LDAH: variants seen among roughly 807,000 people sequenced by gnomAD.
LDAH encodes the protein lipid droplet-associated hydrolase.
In LDAH, 26 loss-of-function variants were observed where a neutral mutation model predicts 29.6. The observed-to-expected ratio is 0.88, with a 90% CI of 0.64 to 1.22. LDAH has a LOEUF of 1.22. LDAH is among the 50% of genes most tolerant of loss of function. The pLI, the probability that LDAH is intolerant of heterozygous loss-of-function variation, is 0.00. For missense variants in LDAH, 344 were observed against 387.3 expected, an observed-to-expected ratio of 0.89 and a Z score of 0.94; for synonymous variants, 117 against 133.0, an observed-to-expected ratio of 0.88 and a Z score of 0.83.
intron 4 of LDAH, among the ~76,000 whole-genome samples, chr2:20,747,396 CA>C: frequency 6.6e-6 from 1 of 152,046 alleles, no homozygotes; most frequent in South Asian, 2.1e-4. Flanking sequence ...AGAAAACAAA[CA>C]AAAAAATAGC....
intron 1 of LDAH, among the ~76,000 whole-genome samples, chr2:20,810,423 TAGAC>T (rs1288901131): frequency 2.6e-5 from 4 of 152,210 alleles, no homozygotes; most frequent in Non-Finnish European, 5.9e-5. Flanking sequence ...ACTTCCATGT[TAGAC>T]AGAAGCCCAT....
intron 5 of LDAH, among the ~76,000 whole-genome samples, chr2:20,729,899 G>A (rs543904047): frequency 2.0e-5 from 3 of 152,246 alleles, no homozygotes; most frequent in Admixed American, 6.5e-5. Flanking sequence ...AGGCTCAAGC[G>A]ATCCTCCTGC....
chr2:20,778,688 A>T (rs937383210), intron 3 of LDAH, among the ~76,000 whole-genome samples: 1 of 152,156 alleles, frequency 6.6e-6, no homozygotes, highest in Non-Finnish European at 1.5e-5. Flanking sequence ...TTAAATGCCA[A>T]AGTTAAGTAT....
Position 20,686,918 on chromosome 2 carries a change from G to C in LDAH, c.963C>G (p.Asp321Glu). 1 of 1,613,436 alleles carries C rather than the reference G, an allele frequency of 6.2e-7. No homozygotes were observed. The highest frequency in any genetic ancestry group is 8.5e-7 in the Non-Finnish European group (1 of 1,179,606). ...ADMIADSLKD[D>E]LSKM is the part of the protein sequence containing the mutation. ...TCAGGCCAATTTACATTTTGGACAA[G>C]TCATCCTTTAGGGAGTCAGCAATCA... is the stretch of plus-strand genomic sequence containing the variant. The change falls in exon 7 of 7, where the codon GAC becomes GAG. Residue 321 changes from aspartate (D) to glutamate (E), a missense_variant. Coordinates refer to ENST00000237822, the MANE Select transcript of LDAH (RefSeq NM_021925.4).
intron 5 of LDAH, among the ~76,000 whole-genome samples, chr2:20,707,295 G>A (rs1439896904): frequency 1.3e-5 from 2 of 152,094 alleles, no homozygotes; most frequent in Admixed American, 1.3e-4. Flanking sequence ...TTCCCATGGG[G>A]ACCACAATGA....
At chr2:20,758,023 C>T (rs1342593755) in intron 4 of LDAH, among the ~76,000 whole-genome samples, 1 of 152,176 alleles carries the variant, frequency 6.6e-6, no homozygotes, top group Non-Finnish European at 1.5e-5. Context: ...AAACCTCTTT[C>T]CATGTGCATA....
At chr2:20,808,514 A>T (rs1434670634) in intron 1 of LDAH, among the ~76,000 whole-genome samples, 8 of 152,056 alleles carry the variant, frequency 5.3e-5, no homozygotes. Context: ...ATACAAAAAA[A>T]TTAGCCGGGC....
rs913880179 is a variant in LDAH at position 20,684,815 on chromosome 2, C to T, written c.*2088G>A. ...CATCCATGTGGTTGACTGGGACATA[C>T]AGGCAGAGCTGCTTCTGGAAAATGG... On this transcript the variant is annotated 3_prime_UTR_variant, in exon 7 of 7. Coordinates refer to ENST00000237822, the MANE Select transcript of LDAH (RefSeq NM_021925.4). The T allele has an allele frequency of 6.6e-7, 1 of 1,510,252 alleles. No individual in the cohort carries two copies. The highest frequency in any genetic ancestry group is 8.9e-7 in the Non-Finnish European group (1 of 1,122,026). The allele number at this position is 1,510,252 out of a possible 1,614,324, so 93.6% of individuals were successfully genotyped here.
At chr2:20,816,040 A>G (rs1348701442) in intron 1 of LDAH, among the ~76,000 whole-genome samples, 1 of 152,136 alleles carries the variant, frequency 6.6e-6, no homozygotes, top group Non-Finnish European at 1.5e-5. Flanking sequence ...CTAAACTTCA[A>G]TTGGCAAAAG....
At chr2:20,706,889 TG>T (rs1341504212) in intron 5 of LDAH, among the ~76,000 whole-genome samples, 3 of 152,232 alleles carry the variant, frequency 2.0e-5, no homozygotes, top group African/African-American at 7.2e-5. Context: ...AAGCAGAGCT[TG>T]GTAATCTCCC....
At chr2:20,770,986 C>T (rs1236294375) in intron 4 of LDAH, among the ~76,000 whole-genome samples, 2 of 152,170 alleles carry the variant, frequency 1.3e-5, no homozygotes, top group African/African-American at 4.8e-5. Context: ...TATTGTAAGT[C>T]ATGATAGCTA....
At chr2:20,753,872 A>G (rs965852543) in intron 4 of LDAH, among the ~76,000 whole-genome samples, 6 of 152,338 alleles carry the variant, frequency 3.9e-5, no homozygotes, top group Admixed American at 2.6e-4. Context: ...GTGGCCAAAT[A>G]TGGAATAATT....
chr2:20,749,017 T>A (rs920894365), intron 4 of LDAH, among the ~76,000 whole-genome samples: 1 of 152,186 alleles, frequency 6.6e-6, no homozygotes, highest in African/African-American at 2.4e-5. Context: ...ATTCCTTAGA[T>A]CTACTGGTTG....
rs1359340837 is a variant in LDAH, at chr2:20,684,814, A to G, written c.*2089T>C. On this transcript the variant is annotated 3_prime_UTR_variant, in exon 7 of 7. Transcript: ENST00000237822. Reference sequence around the variant, plus strand: ...CCATCCATGTGGTTGACTGGGACATACAGGCAGAGCTGCTTCTGGAAAATG... The same window carrying G: ...CCATCCATGTGGTTGACTGGGACATGCAGGCAGAGCTGCTTCTGGAAAATG... The G allele has an allele frequency of 2.0e-6, 3 of 1,510,260 alleles. No individual in the cohort carries two copies. The highest frequency in any genetic ancestry group is 2.7e-6 in the Non-Finnish European group (3 of 1,121,976). 93.6% of individuals were successfully genotyped at this position (1,510,260 alleles called of 1,614,324 possible). A position where few individuals can be genotyped will look rare whatever the true frequency, so the allele number is the denominator to read the frequency against.
chr2:20,707,936 C>T (rs948138439), intron 5 of LDAH, among the ~76,000 whole-genome samples: 1 of 152,126 alleles, frequency 6.6e-6, no homozygotes, highest in African/African-American at 2.4e-5. Flanking sequence ...GAGTGCAAAC[C>T]ATATTGTGAA....
intron 5 of LDAH, among the ~76,000 whole-genome samples, chr2:20,712,410 C>CA (rs1240441552): frequency 6.6e-6 from 1 of 152,154 alleles, no homozygotes; most frequent in African/African-American, 2.4e-5. Context: ...GAAAGGTAGA[C>CA]AAAATCACAA....
chr2:20,718,706 A>T (rs1558408347), intron 5 of LDAH, among the ~76,000 whole-genome samples: 1 of 152,152 alleles, frequency 6.6e-6, no homozygotes, highest in East Asian at 1.9e-4. Flanking sequence ...ACTACTGCAG[A>T]ACACACATTT....
At chr2:20,753,250 A>T (rs989484106) in intron 4 of LDAH, among the ~76,000 whole-genome samples, 3 of 152,258 alleles carry the variant, frequency 2.0e-5, no homozygotes, top group Non-Finnish European at 4.4e-5. Flanking sequence ...TTAACAAAAG[A>T]AACATTTTCA....
At chr2:20,790,806 A>G (rs1670894067) in intron 2 of LDAH, among the ~76,000 whole-genome samples, 1 of 152,174 alleles carries the variant, frequency 6.6e-6, no homozygotes, top group Non-Finnish European at 1.5e-5. Context: ...GTACAGCTTG[A>G]TCTTTTGGGG....
Sources: gnomAD v4.1 joint callset for allele counts (sites outside exome capture counted in the v4.1 genomes callset) on GRCh38, gnomAD v4.1.1 for gene constraint, MANE v1.5 for transcripts, NCBI Gene and HGNC (gene_info 2026-07-23, HGNC 2026-07-21) for gene names.